Variants in COL5A1 observed in about 807,000 individuals in gnomAD.
COL5A1 encodes collagen type V alpha 1 chain.
In COL5A1, 16 loss-of-function variants were observed where a neutral mutation model predicts 263.7. The ratio of observed to expected loss-of-function variants is 0.06; its 90% CI spans 0.04 to 0.09. COL5A1 has a LOEUF of 0.09. Ranked by LOEUF, COL5A1 falls within the 10% of genes least tolerant of loss-of-function variation. The probability of loss-of-function intolerance (pLI) is 1.00; values close to 1 mark genes in which losing one functional copy is unlikely to be tolerated. For synonymous variants in COL5A1, 1,012 were observed against 1,004.5 expected (o/e 1.01, Z -0.14); for missense variants, 2,036 against 2,540.5 (o/e 0.80, Z 4.27).
chr9:134,732,491 A>C, intron 9 of COL5A1: 1 of 434,848 alleles, frequency 2.3e-6, no homozygotes, highest in East Asian at 4.5e-5. Flanking sequence ...GAGGATGTAA[A>C]TGGCCCATTC....
Position 134,742,693 on chromosome 9 carries a change from C to T in COL5A1, c.1494+3885C>T, listed in dbSNP as rs1835344083. On this transcript the variant is annotated intron_variant, in intron 11 of 65. Coordinates refer to ENST00000371817, the MANE Select transcript of COL5A1 (RefSeq NM_000093.5). The surrounding 1 kb of genome is among the most constrained non-coding windows in gnomAD (Gnocchi z 4.6). ...TTTCTTGTGGGTCTGGCTTCTGTGC[C>T]ACCTGCCAGTGCGTTTCTGTAGGGG... is the stretch of plus-strand genomic sequence containing the variant. 6.6e-6 allele frequency among the ~76,000 whole-genome samples: 1 copy of T among 152,210 alleles called. No individual in the cohort carries two copies. The highest frequency in any genetic ancestry group is 1.5e-5 in the Non-Finnish European group (1 of 68,042).
chr9:134,805,110 C>G, intron 40 of COL5A1, 46 bp downstream of exon 40: 1 of 1,613,734 alleles, frequency 6.2e-7, no homozygotes, highest in East Asian at 2.2e-5. Flanking sequence ...AGGTGCAGCC[C>G]TGGAGGCCTC....
chr9:134,812,808 G>T, intron 48 of COL5A1, 96 bp downstream of exon 48: 4 of 864,530 alleles, frequency 4.6e-6, no homozygotes, highest in Non-Finnish European at 5.7e-6. Flanking sequence ...GTGTATGTGC[G>T]CATGCACACG....
At chr9:134,809,925 C>T (rs537937162) in intron 43 of COL5A1, among the ~76,000 whole-genome samples, 22 of 152,272 alleles carry the variant, frequency 1.4e-4, no homozygotes, top group African/African-American at 4.3e-4. Flanking sequence ...ATAACTTCTT[C>T]GGCAACATAG....
intron 1 of COL5A1, among the ~76,000 whole-genome samples, chr9:134,657,563 G>A (rs1832052938): frequency 8.7e-6 from 1 of 115,384 alleles, no homozygotes; most frequent in Non-Finnish European, 1.8e-5. Flanking sequence ...TATGGGGGTG[G>A]TGTAGGGGGT....
At position 134,835,256 on chromosome 9, in the gene COL5A1, C is replaced by T. The variant is rs141224646; in HGVS notation, c.5370+52C>T. 7.6e-5 allele frequency: 115 copies of T among 1,504,146 alleles called. No individual in the cohort carries two copies. The African/African-American group carries it at 1.2e-3, about 15-fold the overall frequency. 93.2% of individuals were successfully genotyped at this position (1,504,146 alleles called of 1,614,324 possible). ...CCCCTGCTCACGCCTCCGTGGGGCT[C>T]GCTCCTCACTCAGCACGGGTTTACC... On this transcript the variant is annotated intron_variant, in intron 65 of 65. Transcript: ENST00000371817.
intron 4 of COL5A1, among the ~76,000 whole-genome samples, chr9:134,721,834 C>T (rs1480989968): frequency 7.2e-5 from 11 of 152,228 alleles, no homozygotes; most frequent in Non-Finnish European, 1.0e-4. Context: ...GCCTGGGGTC[C>T]TGCAGAGAAG....
At chr9:134,708,345 C>T (rs74793587) in intron 4 of COL5A1, 11,191 of 326,942 alleles carry the variant, frequency 0.034, 1,178 homozygotes, top group African/African-American at 0.22. Flanking sequence ...GTGTGCCTGC[C>T]CCTCCCGAGT....
intron 31 of COL5A1, 41 bp downstream of exon 31, chr9:134,786,089 G>T (rs371556204): frequency 6.4e-7 from 1 of 1,557,716 alleles, no homozygotes; most frequent in East Asian, 2.3e-5. Context: ...ACAGGCGGAG[G>T]GATGTTCTGC....
At chr9:134,697,187 C>T (rs1833510405) in intron 2 of COL5A1, among the ~76,000 whole-genome samples, 1 of 152,252 alleles carries the variant, frequency 6.6e-6, no homozygotes, top group East Asian at 1.9e-4. Flanking sequence ...CCCAGAGTGC[C>T]CGGACAGCGT....
Position 134,686,787 on chromosome 9 carries a change from A to G in COL5A1, c.110-4125A>G, listed in dbSNP as rs1334837229. Among the ~76,000 whole-genome samples the G allele has an allele frequency of 2.6e-5, 4 of 152,184 alleles. No individual in the cohort carries two copies. The highest frequency in any genetic ancestry group is 6.5e-5 in the Admixed American group (1 of 15,282). On this transcript the variant is annotated intron_variant, in intron 1 of 65. Coordinates refer to ENST00000371817, the MANE Select transcript of COL5A1 (RefSeq NM_000093.5). This position sits in a 1 kb window ranked among gnomAD's most constrained non-coding sequence, Gnocchi z 4.6. The stretch of plus-strand genomic sequence containing the variant: ...ATTCCCTGGGCAAGCGAGGCTGTGC[A>G]GGATGCCTGACCCCTAGGTGCTGGG...
chr9:134,822,919 AGGCTGGGCAGGACATGGAGCACGGTGG>A, intron 59 of COL5A1, 52 bp from the exon 60 acceptor site: 1 of 1,543,642 alleles, frequency 6.5e-7, no homozygotes, highest in East Asian at 2.3e-5. Context: ...GGGCGAGACC[AGGCTGGGCAGGACATGGAGCACGGTGG>A]GGCTGGAGCT....
In COL5A1 at chr9:134,809,234, G is replaced by A. The variant is rs149616140; in HGVS notation, c.3418G>A (p.Val1140Met). ...TGGCCGAGACGGTCTCCAGGGGCCT[G>A]TGGGGCTCCCGGGTCCAGCTGGCCC... The part of the protein sequence containing the change: ...PAGRDGLQGP[V>M]GLPGPAGPVG... The change falls in exon 43 of 66, where the codon GTG (valine) becomes ATG (methionine). Residue 1140 changes from valine to methionine, a missense_variant. Val to Met is a conservative substitution (Grantham distance 21). This residue lies in a region of COL5A1 where 1,078 missense variants were observed against 1,521.4 expected (regional missense o/e 0.71). Coordinates refer to ENST00000371817, the MANE Select transcript of COL5A1 (RefSeq NM_000093.5). 518 of 1,607,406 alleles carry A rather than the reference G, an allele frequency of 3.2e-4. 4 individuals are homozygous for A. The highest frequency in any genetic ancestry group is 7.1e-4 in the Admixed American group (42 of 59,294).
chr9:134,812,760 G>A, intron 48 of COL5A1, 48 bp downstream of exon 48: 4 of 993,468 alleles, frequency 4.0e-6, no homozygotes, highest in Non-Finnish European at 4.4e-6. Context: ...TGTTTGAGGA[G>A]TGTGTGTGTG....
In COL5A1 at chr9:134,824,865, TG is replaced by T. The variant is rs757067716; in HGVS notation, c.4954+17del. On this transcript the variant is annotated intron_variant, in intron 62 of 65. Coordinates refer to ENST00000371817, the MANE Select transcript of COL5A1 (RefSeq NM_000093.5). ...CCCGACTTCCCAGATGGTGAGGGCC[TG>T]GGGGGGCAGGGGTGGCCCCCCAAAG... 11 of 1,607,892 alleles carry T rather than the reference TG, an allele frequency of 6.8e-6. No homozygotes were observed. Among genetic ancestry groups the T allele is most frequent in the African/African-American group, 4.0e-5 (3 of 74,816 alleles).
chr9:134,689,187 G>A (rs112609765), intron 1 of COL5A1, among the ~76,000 whole-genome samples: 1,885 of 152,304 alleles, frequency 0.012, 31 homozygotes, highest in African/African-American at 0.042. Flanking sequence ...TGGCAGTGCC[G>A]AGGCTGCAGG....
rs142447301 is a variant in COL5A1, at chr9:134,645,261, C to T, written c.109+2965C>T. 4.0e-3 allele frequency among the ~76,000 whole-genome samples: 602 copies of T among 152,314 alleles called. 1 individual carries two copies. The highest frequency in any genetic ancestry group is 0.013 in the African/African-American group (547 of 41,568). The stretch of plus-strand genomic sequence containing the variant: ...CTGCAGATATTTCTGGACTCCCCAC[C>T]GCCACGCCTCAGCCGAACACAGCTG... On this transcript the variant is annotated intron_variant, in intron 1 of 65. Coordinates refer to ENST00000371817, the MANE Select transcript of COL5A1 (RefSeq NM_000093.5).
At chr9:134,815,698 C>T (rs1051401224) in intron 51 of COL5A1, 69 bp downstream of exon 51, 38 of 1,535,254 alleles carry the variant, frequency 2.5e-5, no homozygotes, top group African/African-American at 1.4e-4. Flanking sequence ...AGCCCCATTT[C>T]CCCTCTTTCT....
At chr9:134,773,512 G>C (rs1396837038) in intron 26 of COL5A1, among the ~76,000 whole-genome samples, 1 of 152,356 alleles carries the variant, frequency 6.6e-6, no homozygotes, top group Middle Eastern at 3.4e-3. Flanking sequence ...ACCGCACACC[G>C]AGCTCATGGT....
Sources: allele counts gnomAD v4.1 joint callset (sites outside exome capture counted in the v4.1 genomes callset), GRCh38; gene constraint gnomAD v4.1.1; regional missense constraint gnomAD v4.1.1; non-coding constraint Gnocchi (gnomAD v3.1); transcripts MANE v1.5; gene names NCBI Gene and HGNC (gene_info 2026-07-23, HGNC 2026-07-21).